The following DENND1B variants were observed in gnomAD, a reference collection of about 807,000 sequenced individuals.
DENND1B encodes the protein DENN domain containing 1B, also known as DENN domain-containing protein 1B.
DENND1B carries 59 observed loss-of-function variants against 90.1 expected under a neutral mutation model. The ratio of observed to expected loss-of-function variants is 0.65; its 90% confidence interval spans 0.53 to 0.81. DENND1B has a LOEUF of 0.81. Among genes scored for constraint, DENND1B ranks in the 40% least tolerant of loss-of-function variants. The pLI is 0.00. For missense variants in DENND1B, 862 were observed against 912.6 expected (o/e 0.94, Z 0.71); for synonymous variants, 337 against 324.6 (o/e 1.04, Z -0.41).
At chr1:197,526,022 C>T (rs1433652270) in intron 20 of DENND1B, among the ~76,000 whole-genome samples, 1 of 152,026 alleles carries the variant, frequency 6.6e-6, no homozygotes, top group South Asian at 2.1e-4. Flanking sequence ...TATAGGCGCA[C>T]AGGCCAACTT....
rs754601251 is a variant in DENND1B, at chr1:197,652,309, C to A, written c.373G>T (p.Asp125Tyr). 1.2e-6 allele frequency: 2 copies of A among 1,609,350 alleles called. No individual in the cohort carries two copies. Among genetic ancestry groups the A allele is most frequent in the Middle Eastern group, 1.7e-4 (1 of 6,050 alleles). Residue 125 changes from aspartate (D) to tyrosine (Y), a missense_variant, in exon 7 of 23, where the codon GAT becomes TAT. Asp to Tyr is a radical substitution (Grantham distance 160). Transcript: ENST00000620048. Reference sequence around the variant, plus strand: ...AGTGATCTGAGAGTTTCATTCAAATCATTTTCCTAGGGCAAAAGAAAAAGT... The same window carrying A: ...AGTGATCTGAGAGTTTCATTCAAATAATTTTCCTAGGGCAAAAGAAAAAGT... ...ADYLAKELEN[D>Y]LNETLRSLYN...
At chr1:197,526,590 A>G (rs1558201975) in intron 20 of DENND1B, among the ~76,000 whole-genome samples, 1 of 152,292 alleles carries the variant, frequency 6.6e-6, no homozygotes, top group Non-Finnish European at 1.5e-5. Context: ...CATTGTAATA[A>G]ATGTCAGTCA....
At chr1:197,581,082 C>T (rs1006397010) in intron 15 of DENND1B, among the ~76,000 whole-genome samples, 3 of 152,136 alleles carry the variant, frequency 2.0e-5, no homozygotes, top group African/African-American at 7.2e-5. Context: ...TAATGGATCA[C>T]AAAGTCATAG....
At chr1:197,718,027 A>G (rs1203989590) in intron 2 of DENND1B, among the ~76,000 whole-genome samples, 1 of 152,048 alleles carries the variant, frequency 6.6e-6, no homozygotes, top group Non-Finnish European at 1.5e-5. Context: ...TAATATACCC[A>G]CACTGTAGAA....
intron 18 of DENND1B, among the ~76,000 whole-genome samples, chr1:197,544,983 G>GGGAAAAA (rs1553281506): frequency 2.0e-5 from 1 of 50,418 alleles, no homozygotes; most frequent in Non-Finnish European, 3.5e-5. Context: ...AAGGAGGAAG[G>GGGAAAAA]GGAAGAAGGA....
rs1234180291 is a variant in DENND1B, at chr1:197,745,627, T to TAC, written c.82+27240_82+27241insGT. Among the ~76,000 whole-genome samples, 449 of 146,728 alleles carry TAC rather than the reference T, an allele frequency of 3.1e-3. 23 individuals are homozygous for TAC. The highest frequency in any genetic ancestry group is 0.027 in the Admixed American group (396 of 14,660). On this transcript the variant is annotated intron_variant, in intron 2 of 22. Transcript: ENST00000620048. ...TCACCATATATATATTATATATATA[T>TAC]ATATATATATATAATATATATAATA... is the stretch of plus-strand genomic sequence containing the variant.
rs562427390 is a variant in DENND1B at position 197,668,067 on chromosome 1, T to C, written c.296+3970A>G. On this transcript the variant is annotated intron_variant, in intron 5 of 22. Coordinates refer to ENST00000620048, the MANE Select transcript of DENND1B (RefSeq NM_001195215.2). ...ATACAAATATTTATGTGTTAGCTAT[T>C]TCTTAAAATACATATACATTTACAT... Among the ~76,000 whole-genome samples the C allele has an allele frequency of 7.3e-4, 111 of 152,322 alleles. 1 individual carries two copies. The Middle Eastern group carries it at 0.01, about 14-fold the overall frequency.
At chr1:197,665,500 C>T (rs550618456) in intron 5 of DENND1B, among the ~76,000 whole-genome samples, 6 of 152,248 alleles carry the variant, frequency 3.9e-5, no homozygotes, top group African/African-American at 1.4e-4. Context: ...TAAACAAACA[C>T]TAAATGATGT....
chr1:197,552,686 T>C, intron 16 of DENND1B: 1 of 1,062,112 alleles, frequency 9.4e-7, no homozygotes, highest in Non-Finnish European at 1.1e-6. Context: ...TAACCATCAC[T>C]AGTAGTTTTC....
intron 2 of DENND1B, among the ~76,000 whole-genome samples, chr1:197,772,189 A>G (rs1656711345): frequency 6.6e-6 from 1 of 152,232 alleles, no homozygotes; most frequent in African/African-American, 2.4e-5. Context: ...GAGAATGTGC[A>G]CTAATGTTTA....
chr1:197,768,862 C>CA (rs761475933), intron 2 of DENND1B, among the ~76,000 whole-genome samples: 3,897 of 135,060 alleles, frequency 0.029, 92 homozygotes, highest in African/African-American at 0.072. Context: ...GTGTTGTTCT[C>CA]AAAAAAAAAA....
At chr1:197,726,427 T>G (rs191060941) in intron 2 of DENND1B, among the ~76,000 whole-genome samples, 144 of 152,278 alleles carry the variant, frequency 9.5e-4, no homozygotes, top group Non-Finnish European at 1.4e-3. Context: ...AACATCATTA[T>G]GAATGGCAGT....
intron 3 of DENND1B, among the ~76,000 whole-genome samples, chr1:197,679,291 CAA>C (rs765731401): frequency 3.9e-5 from 5 of 129,436 alleles, no homozygotes; most frequent in Admixed American, 7.8e-5. Context: ...GTGACATTAC[CAA>C]AAAAAAAAAA....
intron 20 of DENND1B, among the ~76,000 whole-genome samples, chr1:197,526,585 TAATA>T (rs1170858587): frequency 2.6e-5 from 4 of 152,266 alleles, no homozygotes; most frequent in African/African-American, 7.2e-5. Context: ...CAAGACATTG[TAATA>T]AATGTCAGTC....
chr1:197,661,233 A>C (rs1457450255), intron 5 of DENND1B, among the ~76,000 whole-genome samples: 3 of 152,080 alleles, frequency 2.0e-5, no homozygotes, highest in Non-Finnish European at 4.4e-5. Flanking sequence ...AACCCTTAAA[A>C]ATTACTAATA....
At chr1:197,565,640 T>TC (rs1009202502) in intron 15 of DENND1B, among the ~76,000 whole-genome samples, 2 of 88,208 alleles carry the variant, frequency 2.3e-5, no homozygotes, top group African/African-American at 8.9e-5. Flanking sequence ...CCCTCCTCCC[T>TC]CCCCCCACCC....
At chr1:197,743,194 C>T (rs1315485138) in intron 2 of DENND1B, among the ~76,000 whole-genome samples, 3 of 152,146 alleles carry the variant, frequency 2.0e-5, no homozygotes, top group East Asian at 1.9e-4. Flanking sequence ...CCAAGCAGAG[C>T]GCACATTACC....
intron 2 of DENND1B, among the ~76,000 whole-genome samples, chr1:197,761,206 T>C (rs1655000720): frequency 6.6e-6 from 1 of 152,166 alleles, no homozygotes; most frequent in South Asian, 2.1e-4. Context: ...CATTATTTTC[T>C]AAAAACCAAA....
the DENND1B span, among the ~76,000 whole-genome samples, chr1:197,782,048 T>C: frequency 6.6e-6 from 1 of 152,168 alleles, no homozygotes; most frequent in Non-Finnish European, 1.5e-5. Context: ...CCAGACATTG[T>C]AGAACTTAAA....
Sources: allele counts gnomAD v4.1 joint callset (sites outside exome capture counted in the v4.1 genomes callset), GRCh38; gene constraint gnomAD v4.1.1; transcripts MANE v1.5; gene names NCBI Gene and HGNC (gene_info 2026-07-23, HGNC 2026-07-21).